Variants in PLPP1 observed in about 807,000 individuals in gnomAD.
The protein encoded by PLPP1 is phospholipid phosphatase 1.
PLPP1 carries 24 observed loss-of-function variants against 31.2 expected under a neutral mutation model. That is an observed-to-expected ratio of 0.77 (90% confidence interval 0.56 to 1.08). The LOEUF (loss-of-function observed/expected upper bound fraction) is 1.08. PLPP1 is among the 50% of genes least tolerant of loss of function. PLPP1 has a pLI of 0.00. For missense variants in PLPP1, 319 were observed against 342.7 expected, an observed-to-expected ratio of 0.93 and a Z score of 0.55; for synonymous variants, 146 against 126.3, an observed-to-expected ratio of 1.16 and a Z score of -1.05.
chr5:55,457,470 A>G (rs1348241377), intron 3 of PLPP1, among the ~76,000 whole-genome samples: 3 of 152,240 alleles, frequency 2.0e-5, no homozygotes, highest in Non-Finnish European at 4.4e-5. Flanking sequence ...ACCATTTTAA[A>G]TAAATATATT....
At chr5:55,483,946 TACTA>T (rs747223713) in intron 1 of PLPP1, among the ~76,000 whole-genome samples, 14 of 152,228 alleles carry the variant, frequency 9.2e-5, no homozygotes, top group Non-Finnish European at 1.6e-4. Context: ...TACGATGAGC[TACTA>T]ACTCACTATG....
chr5:55,465,076 T>A (rs1324579761), intron 3 of PLPP1, among the ~76,000 whole-genome samples: 1 of 150,422 alleles, frequency 6.6e-6, no homozygotes, highest in Non-Finnish European at 1.5e-5. Context: ...CAGAGTCTCA[T>A]CCTGTTACAC....
chr5:55,534,225 G>A (rs1176059457), intron 1 of PLPP1, among the ~76,000 whole-genome samples: 4 of 152,194 alleles, frequency 2.6e-5, no homozygotes, highest in Admixed American at 1.3e-4. Context: ...ACTGAGATGG[G>A]CCAGTGACCA....
intron 1 of PLPP1, among the ~76,000 whole-genome samples, chr5:55,498,112 C>T (rs544379894): frequency 6.6e-6 from 1 of 152,036 alleles, no homozygotes; most frequent in Non-Finnish European, 1.5e-5. Context: ...GATAGATTAA[C>T]AAAGGGGCTA....
At chr5:55,504,161 G>A (rs558185029) in intron 1 of PLPP1, among the ~76,000 whole-genome samples, 109 of 151,726 alleles carry the variant, frequency 7.2e-4, no homozygotes, top group African/African-American at 2.4e-3. Flanking sequence ...AGGAGGTCAG[G>A]AGTTTAAGAC....
At chr5:55,534,315 A>T (rs1740796503) in intron 1 of PLPP1, among the ~76,000 whole-genome samples, 1 of 152,158 alleles carries the variant, frequency 6.6e-6, no homozygotes, top group African/African-American at 2.4e-5. Flanking sequence ...GGAGCAAGGT[A>T]TGGAGCGCAG....
intron 1 of PLPP1, among the ~76,000 whole-genome samples, chr5:55,495,871 T>G (rs1016816203): frequency 4.6e-5 from 7 of 152,140 alleles, no homozygotes; most frequent in African/African-American, 1.7e-4. Flanking sequence ...TGTTTTTGTT[T>G]TGAGACAGAG....
intron 3 of PLPP1, among the ~76,000 whole-genome samples, chr5:55,444,144 C>T (rs1267524643): frequency 2.0e-5 from 3 of 149,920 alleles, no homozygotes; most frequent in African/African-American, 7.4e-5. Flanking sequence ...TGCAGTGGTG[C>T]AATCTTGGCT....
rs1243783685 is a variant in PLPP1 at position 55,491,873 on chromosome 5, A to AAG, written c.59-16424_59-16423insCT. ...ACTCAATCTCAGGAAAAAAAAAAAA[A>AAG]AAAGAAAGAAAAGAAAGAAAAAGAG... On this transcript the variant is annotated intron_variant, in intron 1 of 5. Transcript: ENST00000307259. Among the ~76,000 whole-genome samples, 134 of 143,504 alleles carry AAG rather than the reference A, an allele frequency of 9.3e-4. 1 individual carries two copies. In the South Asian group the frequency reaches 0.012, roughly 13 times the overall value. 94.1% of individuals were successfully genotyped at this position (143,504 alleles called of 152,430 possible). A position where few individuals can be genotyped will look rare whatever the true frequency, so the allele number is the denominator to read the frequency against.
intron 1 of PLPP1, among the ~76,000 whole-genome samples, chr5:55,506,278 A>AG (rs1482023663): frequency 1.3e-5 from 2 of 151,396 alleles, no homozygotes; most frequent in African/African-American, 4.8e-5. Flanking sequence ...AAAAAAAAAA[A>AG]AGGCACTAAT....
intron 3 of PLPP1, among the ~76,000 whole-genome samples, chr5:55,445,880 A>G (rs1481550029): frequency 6.6e-6 from 1 of 152,022 alleles, no homozygotes; most frequent in Non-Finnish European, 1.5e-5. Context: ...TCCTGAGTAC[A>G]GAATTCTAAA....
chr5:55,431,976 C>T (rs1381631022), intron 4 of PLPP1, among the ~76,000 whole-genome samples: 1 of 152,190 alleles, frequency 6.6e-6, no homozygotes, highest in Non-Finnish European at 1.5e-5. Context: ...GTCTGGGGCA[C>T]AGTGGCGTGA....
intron 3 of PLPP1, among the ~76,000 whole-genome samples, chr5:55,449,904 G>A (rs2111734978): frequency 6.6e-6 from 1 of 152,106 alleles, no homozygotes. Flanking sequence ...AGGGTACAGA[G>A]ATGAAGGTAA....
At chr5:55,486,644 G>A (rs534663846) in intron 1 of PLPP1, among the ~76,000 whole-genome samples, 48 of 152,188 alleles carry the variant, frequency 3.2e-4, no homozygotes, top group South Asian at 1.7e-3. Context: ...GTCGGGCGCC[G>A]TGGCTCACGC....
At chr5:55,460,806 A>G (rs1752137985) in intron 3 of PLPP1, among the ~76,000 whole-genome samples, 1 of 152,174 alleles carries the variant, frequency 6.6e-6, no homozygotes, top group African/African-American at 2.4e-5. Flanking sequence ...TGACTGGGCC[A>G]CCGCACTCCA....
intron 3 of PLPP1, among the ~76,000 whole-genome samples, chr5:55,446,814 G>A (rs1751775460): frequency 6.6e-6 from 1 of 152,166 alleles, no homozygotes; most frequent in Non-Finnish European, 1.5e-5. Context: ...CCACGGGGAG[G>A]ATGCTGCCAC....
At chr5:55,428,298 TG>T (rs1022051143) in intron 4 of PLPP1, among the ~76,000 whole-genome samples, 2 of 152,220 alleles carry the variant, frequency 1.3e-5, no homozygotes, top group African/African-American at 4.8e-5. Context: ...CAAACAGGCA[TG>T]GCCTGAGTGT....
intron 3 of PLPP1, among the ~76,000 whole-genome samples, chr5:55,461,780 C>T (rs1447329017): frequency 6.6e-6 from 1 of 152,130 alleles, no homozygotes; most frequent in Non-Finnish European, 1.5e-5. Flanking sequence ...AGAAGTACAG[C>T]TCTCTTTATT....
chr5:55,532,843 G>C (rs1193982942), intron 1 of PLPP1, among the ~76,000 whole-genome samples: 1 of 151,622 alleles, frequency 6.6e-6, no homozygotes, highest in African/African-American at 2.4e-5. Context: ...TGTAATCCCA[G>C]CTACTCAGGA....
Sources: gnomAD v4.1 joint callset for allele counts (sites outside exome capture counted in the v4.1 genomes callset) on GRCh38, gnomAD v4.1.1 for gene constraint, MANE v1.5 for transcripts, NCBI Gene and HGNC (gene_info 2026-07-23, HGNC 2026-07-21) for gene names.